Variants in SLC4A7 observed in about 807,000 individuals in gnomAD.
SLC4A7 encodes sodium bicarbonate cotransporter 3.
SLC4A7 carries 51 observed loss-of-function variants against 137.6 expected under a neutral mutation model. That is an observed-to-expected ratio of 0.37 (90% CI 0.30 to 0.47). SLC4A7 has a LOEUF of 0.47. Among genes scored for constraint, SLC4A7 ranks in the 20% least tolerant of loss-of-function variants. The pLI, the probability that SLC4A7 is intolerant of heterozygous loss-of-function variation, is 1.00. For synonymous variants in SLC4A7, 542 were observed against 518.6 expected, an observed-to-expected ratio of 1.05 and a Z score of -0.61; for missense variants, 1,247 against 1,525.4, an observed-to-expected ratio of 0.82 and a Z score of 3.04.
At chr3:27,461,619 A>T (rs1256436214) in intron 1 of SLC4A7, among the ~76,000 whole-genome samples, 3 of 151,502 alleles carry the variant, frequency 2.0e-5, no homozygotes, top group African/African-American at 7.3e-5. Context: ...AAAAAAAAAA[A>T]AAAAGAATAA....
At chr3:27,378,307 AC>A (rs2050098018) in intron 25 of SLC4A7, among the ~76,000 whole-genome samples, 1 of 152,212 alleles carries the variant, frequency 6.6e-6, no homozygotes, top group Admixed American at 6.5e-5. Flanking sequence ...CAGCAAGTGA[AC>A]AAAAACAGCT....
At chr3:27,403,075 T>G (rs2052949804) in intron 15 of SLC4A7, 64 bp downstream of exon 15, 2 of 1,513,480 alleles carry the variant, frequency 1.3e-6, no homozygotes, top group Non-Finnish European at 1.8e-6. Context: ...AAAATTCATT[T>G]TCTGAGGCTC....
At chr3:27,384,610 C>T (rs1204268387) in intron 23 of SLC4A7, among the ~76,000 whole-genome samples, 1 of 152,084 alleles carries the variant, frequency 6.6e-6, no homozygotes, top group Non-Finnish European at 1.5e-5. Flanking sequence ...AAGTAACAAA[C>T]AGGCAATTTG....
intron 13 of SLC4A7, among the ~76,000 whole-genome samples, chr3:27,408,052 C>T (rs755801329): frequency 1.3e-5 from 2 of 152,176 alleles, no homozygotes; most frequent in Non-Finnish European, 2.9e-5. Flanking sequence ...ACTTCAAATC[C>T]TACAGCTCTT....
intron 1 of SLC4A7, among the ~76,000 whole-genome samples, chr3:27,458,745 C>A (rs1358995627): frequency 6.6e-6 from 1 of 152,130 alleles, no homozygotes; most frequent in Non-Finnish European, 1.5e-5. Flanking sequence ...AATCCTAGGA[C>A]CCTGGGAGGC....
At chr3:27,462,117 T>C (rs1044283914) in intron 1 of SLC4A7, among the ~76,000 whole-genome samples, 2 of 152,214 alleles carry the variant, frequency 1.3e-5, no homozygotes, top group Non-Finnish European at 2.9e-5. Flanking sequence ...ATTTAATTTT[T>C]CTTTCCATAA....
At chr3:27,418,428 T>G in intron 11 of SLC4A7, 58 bp downstream of exon 11, 3 of 1,450,090 alleles carry the variant, frequency 2.1e-6, no homozygotes, top group Non-Finnish European at 2.8e-6. Flanking sequence ...TCACACCTAA[T>G]CAAAAAAAAT....
At chr3:27,420,331 G>A (rs1039471783) in intron 10 of SLC4A7, among the ~76,000 whole-genome samples, 2 of 151,866 alleles carry the variant, frequency 1.3e-5, no homozygotes, top group African/African-American at 2.4e-5. Context: ...GTAGGTTATC[G>A]TCAAAGATCG....
chr3:27,474,239 C>A (rs1553721904), intron 1 of SLC4A7, among the ~76,000 whole-genome samples: 2 of 152,056 alleles, frequency 1.3e-5, no homozygotes, highest in Non-Finnish European at 2.9e-5. Context: ...AGTGAGATAA[C>A]AGAGGCCTCC....
At chr3:27,390,772 G>A (rs914172461) in intron 21 of SLC4A7, among the ~76,000 whole-genome samples, 1 of 152,124 alleles carries the variant, frequency 6.6e-6, no homozygotes, top group African/African-American at 2.4e-5. Flanking sequence ...TTCATGAGAA[G>A]AGGTGGTCAT....
intron 5 of SLC4A7, 53 bp downstream of exon 5, chr3:27,436,335 G>A: frequency 2.2e-6 from 3 of 1,345,506 alleles, no homozygotes; most frequent in Non-Finnish European, 3.1e-6. Flanking sequence ...TTAAATGAAT[G>A]TCTAAAATTC....
intron 3 of SLC4A7, among the ~76,000 whole-genome samples, chr3:27,446,281 G>A (rs112870390): frequency 0.014 from 2,090 of 151,962 alleles, 17 homozygotes; most frequent in South Asian, 0.02. Flanking sequence ...TTTAATCCCC[G>A]TTATTCCATC....
chr3:27,438,562 T>A (rs1349167161), intron 3 of SLC4A7, among the ~76,000 whole-genome samples: 2 of 149,882 alleles, frequency 1.3e-5, no homozygotes, highest in Non-Finnish European at 3.0e-5. Flanking sequence ...TAACATAACA[T>A]AACATAAAAT....
chr3:27,470,685 G>A (rs2059205816), intron 1 of SLC4A7, among the ~76,000 whole-genome samples: 2 of 149,884 alleles, frequency 1.3e-5, no homozygotes, highest in Admixed American at 1.3e-4. Flanking sequence ...GCTCACGCCT[G>A]TAACCCCAGC....
At position 27,433,897 on chromosome 3, in the gene SLC4A7, A is replaced by G. The variant is rs1392904937; in HGVS notation, c.778+19T>C. The G allele has an allele frequency of 6.2e-7, 1 of 1,611,522 alleles. No homozygotes were observed. Among genetic ancestry groups the G allele is most frequent in the Non-Finnish European group, 8.5e-7 (1 of 1,178,552 alleles). On this transcript the variant is annotated intron_variant, in intron 6 of 25. Coordinates refer to ENST00000454389, the MANE Select transcript of SLC4A7 (RefSeq NM_001321103.2). ...CAGTAGAAGTGTTAGCAAAAATTGG[A>G]TGCCACAACTTATCTCACCATTCCT...
intron 11 of SLC4A7, among the ~76,000 whole-genome samples, chr3:27,413,502 C>T (rs561608646): frequency 1.3e-5 from 2 of 152,122 alleles, no homozygotes; most frequent in African/African-American, 4.8e-5. Context: ...AACTAGTAGA[C>T]ACAGACCACT....
chr3:27,414,547 A>T (rs938426769), intron 11 of SLC4A7, among the ~76,000 whole-genome samples: 2 of 152,206 alleles, frequency 1.3e-5, no homozygotes, highest in African/African-American at 4.8e-5. Context: ...ACTTTATTTC[A>T]TTTCTCTAAA....
chr3:27,422,408 C>G (rs563613926), intron 8 of SLC4A7, among the ~76,000 whole-genome samples: 1 of 152,198 alleles, frequency 6.6e-6, no homozygotes, highest in Non-Finnish European at 1.5e-5. Flanking sequence ...GCTGAGACTA[C>G]AGGCATGCGC....
At chr3:27,411,286 C>G (rs1488537825) in intron 12 of SLC4A7, among the ~76,000 whole-genome samples, 2 of 151,964 alleles carry the variant, frequency 1.3e-5, no homozygotes, top group Non-Finnish European at 2.9e-5. Context: ...GTTGTAATTA[C>G]TCTCTGTTCC....
Sources: gnomAD v4.1 joint callset for allele counts (sites outside exome capture counted in the v4.1 genomes callset) on GRCh38, gnomAD v4.1.1 for gene constraint, MANE v1.5 for transcripts, NCBI Gene and HGNC (gene_info 2026-07-23, HGNC 2026-07-21) for gene names.